SVIL: variants seen among roughly 807,000 people sequenced by gnomAD.
SVIL encodes the protein archvillin.
A neutral mutation model predicts 240.4 loss-of-function variants in SVIL; 101 were observed. The ratio of observed to expected loss-of-function variants is 0.42; its 90% CI spans 0.36 to 0.50. The LOEUF is 0.50. Ranked by LOEUF, SVIL falls within the 20% of genes least tolerant of loss-of-function variation. SVIL has a pLI of 0.01. For missense variants in SVIL, 2,512 were observed against 2,818.7 expected, an observed-to-expected ratio of 0.89 and a Z score of 2.46; for synonymous variants, 999 against 1,100.0, an observed-to-expected ratio of 0.91 and a Z score of 1.82.
At chr10:29,585,193 C>T (rs1956116457) in intron 1 of SVIL, among the ~76,000 whole-genome samples, 1 of 151,970 alleles carries the variant, frequency 6.6e-6, no homozygotes, top group Admixed American at 6.6e-5. Flanking sequence ...AGTGACCCTC[C>T]CACCTCAGCT....
At position 29,532,515 on chromosome 10, in the gene SVIL, G is replaced by A. The variant is rs1053939598; in HGVS notation, c.1838+14C>T. On this transcript the variant is annotated intron_variant, in intron 8 of 37. Coordinates refer to ENST00000355867, the MANE Select transcript of SVIL (RefSeq NM_021738.3). Reference sequence around the variant, plus strand: ...CAAGTGACACAGCTGGAGGGCGTGTGAAGCATCACCTACAGTTCAGGTCTC... The same window carrying A: ...CAAGTGACACAGCTGGAGGGCGTGTAAAGCATCACCTACAGTTCAGGTCTC... 1 of 1,594,428 alleles carries A rather than the reference G, an allele frequency of 6.3e-7. No individual in the cohort carries two copies.
At chr10:29,704,152 C>A (rs979857762) in intron 1 of SVIL, among the ~76,000 whole-genome samples, 2 of 152,142 alleles carry the variant, frequency 1.3e-5, no homozygotes, top group African/African-American at 4.8e-5. Flanking sequence ...ACTGGTACTT[C>A]CTGCTCCAGT....
rs943207804 is a variant in SVIL, at chr10:29,645,695, A to G, written c.-201+12274T>C. Among the ~76,000 whole-genome samples the G allele has an allele frequency of 9.2e-5, 14 of 152,388 alleles. No individual in the cohort carries two copies. The East Asian group carries it at 2.7e-3, about 29-fold the overall frequency. ...CAAGCAAAGATAAAATCCTTTGATCATGCCTCAACTTCCCTCCCATAGAGA... is the reference window on the plus strand; with the variant it reads ...CAAGCAAAGATAAAATCCTTTGATCGTGCCTCAACTTCCCTCCCATAGAGA... On this transcript the variant is annotated intron_variant, in intron 3 of 35. Transcript: ENST00000375400.
chr10:29,678,429 A>AGGC (rs1300876987), intron 2 of SVIL, among the ~76,000 whole-genome samples: 2 of 152,096 alleles, frequency 1.3e-5, no homozygotes, highest in Non-Finnish European at 2.9e-5. Flanking sequence ...ATCCGACAGG[A>AGGC]GGCGGAACTC....
rs140921577 is a variant in SVIL at position 29,657,520 on chromosome 10, C to A, written c.-201+449G>T. On this transcript the variant is annotated intron_variant, in intron 3 of 35. Coordinates refer to the SVIL transcript ENST00000375400. Reference sequence around the variant, plus strand: ...TTCCAGGGAACACACTTTGAGAACTCCTGCTCCAGAGAGGCAGGTCAAATA... The same window carrying A: ...TTCCAGGGAACACACTTTGAGAACTACTGCTCCAGAGAGGCAGGTCAAATA... Among the ~76,000 whole-genome samples the A allele has an allele frequency of 2.2e-3, 338 of 152,098 alleles. 2 individuals are homozygous for A. The highest frequency in any genetic ancestry group is 7.7e-3 in the African/African-American group (321 of 41,486).
At chr10:29,620,175 A>G (rs1957578356) in intron 1 of SVIL, among the ~76,000 whole-genome samples, 1 of 152,200 alleles carries the variant, frequency 6.6e-6, no homozygotes, top group Non-Finnish European at 1.5e-5. Flanking sequence ...CATTAAAATC[A>G]GTCAAACTTA....
intron 1 of SVIL, among the ~76,000 whole-genome samples, chr10:29,715,023 C>T (rs1301201758): frequency 1.4e-5 from 2 of 147,496 alleles, no homozygotes; most frequent in African/African-American, 5.0e-5. Flanking sequence ...ACTTGAGAAA[C>T]CTAAGATCTA....
intron 2 of SVIL, among the ~76,000 whole-genome samples, chr10:29,660,106 G>C (rs1959112986): frequency 6.6e-6 from 1 of 152,002 alleles, no homozygotes; most frequent in African/African-American, 2.4e-5. Flanking sequence ...ATGGCTTGAG[G>C]CCAGGAGTTC....
chr10:29,525,008 C>T (rs1950805623), intron 13 of SVIL, among the ~76,000 whole-genome samples: 1 of 152,138 alleles, frequency 6.6e-6, no homozygotes, highest in South Asian at 2.1e-4. Context: ...TTATCTTAGA[C>T]AGAGAGGCGG....
At chr10:29,586,512 G>C (rs1180897359) in intron 1 of SVIL, among the ~76,000 whole-genome samples, 1 of 152,046 alleles carries the variant, frequency 6.6e-6, no homozygotes, top group African/African-American at 2.4e-5. Context: ...GTGGAACGCA[G>C]GTCCCTTGGC....
chr10:29,485,340 C>T (rs1163132177), intron 26 of SVIL, among the ~76,000 whole-genome samples: 1 of 152,082 alleles, frequency 6.6e-6, no homozygotes, highest in Non-Finnish European at 1.5e-5. Context: ...TAAGTGTTTG[C>T]TGAATGAATA....
Position 29,735,230 on chromosome 10 carries a change from G to A in SVIL, c.-400+521C>T, listed in dbSNP as rs1218768673. Among the ~76,000 whole-genome samples, 2 of 152,064 alleles carry A rather than the reference G, an allele frequency of 1.3e-5. No homozygotes were observed. The highest frequency in any genetic ancestry group is 2.9e-5 in the Non-Finnish European group (2 of 67,994). ...GGGTTCAAACCCGCGCGGGCCCTGC[G>A]GAGGCGCCGGTCTGGGACCCCGGGC... is the stretch of plus-strand genomic sequence containing the variant. On this transcript the variant is annotated intron_variant, in intron 1 of 35. Coordinates refer to the SVIL transcript ENST00000375400. This position sits in a 1 kb window ranked among gnomAD's most constrained non-coding sequence, Gnocchi z 4.1.
At position 29,720,233 on chromosome 10, in the gene SVIL, G is replaced by GA. The variant is rs1253985512; in HGVS notation, c.-400+15517dup. ...AAAATAAAAATACTAAATGCAATTA[G>GA]AAAAAAAGGACATATCACATAAACA... On this transcript the variant is annotated intron_variant, in intron 1 of 35. Transcript: ENST00000375400. Among the ~76,000 whole-genome samples the GA allele has an allele frequency of 4.6e-5, 7 of 152,032 alleles. No individual in the cohort carries two copies. The South Asian group carries it at 6.2e-4, about 14-fold the overall frequency.
At chr10:29,471,547 CT>C (rs1945582895) in intron 30 of SVIL, among the ~76,000 whole-genome samples, 1 of 152,174 alleles carries the variant, frequency 6.6e-6, no homozygotes, top group African/African-American at 2.4e-5. Context: ...AACATAACTC[CT>C]GATATTTTAA....
chr10:29,514,321 C>T (rs1027049881), intron 16 of SVIL, among the ~76,000 whole-genome samples: 29 of 152,152 alleles, frequency 1.9e-4, no homozygotes, highest in African/African-American at 7.0e-4. Context: ...ACTGCAGCCT[C>T]GAATTCCTGG....
intron 17 of SVIL, among the ~76,000 whole-genome samples, chr10:29,504,757 A>G (rs188169507): frequency 2.0e-4 from 30 of 152,380 alleles, no homozygotes; most frequent in African/African-American, 6.7e-4. Flanking sequence ...GGAAATGCAA[A>G]ATGGTACAGT....
exon 2 of SVIL, chr10:29,686,639 A>G (rs567871529): frequency 1.3e-5 from 2 of 152,280 alleles, no homozygotes; most frequent in African/African-American, 4.8e-5. Context: ...CCAATCTCCA[A>G]TGTAGCCAGA....
At chr10:29,521,426 T>C in intron 16 of SVIL, among the ~76,000 whole-genome samples, 1 of 152,112 alleles carries the variant, frequency 6.6e-6, no homozygotes, top group East Asian at 1.9e-4. Context: ...GAAATGGTTC[T>C]CCTAATATGG....
intron 6 of SVIL, among the ~76,000 whole-genome samples, chr10:29,538,571 C>T (rs983401946): frequency 7.2e-5 from 11 of 152,324 alleles, no homozygotes; most frequent in East Asian, 1.9e-4. Context: ...TGCTCCCCTG[C>T]GATGCTCGCA....
Sources: allele counts gnomAD v4.1 joint callset (sites outside exome capture counted in the v4.1 genomes callset), GRCh38; gene constraint gnomAD v4.1.1; non-coding constraint Gnocchi (gnomAD v3.1); transcripts MANE v1.5; gene names NCBI Gene and HGNC (gene_info 2026-07-23, HGNC 2026-07-21).